CEP112: variants seen among roughly 807,000 people sequenced by gnomAD.
CEP112 encodes centrosomal protein 112.
CEP112 carries 127 observed loss-of-function variants against 153.0 expected under a neutral mutation model. The observed-to-expected ratio is 0.83, with a 90% confidence interval of 0.72 to 0.96. CEP112 has a LOEUF of 0.96. CEP112 is among the 40% of genes least tolerant of loss of function. CEP112 has a pLI of 0.00. For missense variants in CEP112, 1,089 were observed against 1,101.2 expected, an observed-to-expected ratio of 0.99 and a Z score of 0.16; for synonymous variants, 358 against 374.4, an observed-to-expected ratio of 0.96 and a Z score of 0.51.
At chr17:66,162,571 T>C (rs554248446) in intron 4 of CEP112, among the ~76,000 whole-genome samples, 1 of 152,226 alleles carries the variant, frequency 6.6e-6, no homozygotes, top group Admixed American at 6.5e-5. Flanking sequence ...AATTGTGATA[T>C]ATTCATACAA....
At chr17:65,927,317 T>G (rs527318055) in intron 19 of CEP112, among the ~76,000 whole-genome samples, 16 of 152,286 alleles carry the variant, frequency 1.1e-4, no homozygotes, top group Admixed American at 3.9e-4. Flanking sequence ...CAAATCTCTT[T>G]TCTTATAAAC....
At chr17:65,750,786 A>C in intron 21 of CEP112, 62 bp from the exon 22 acceptor site, 1 of 1,477,998 alleles carries the variant, frequency 6.8e-7, no homozygotes, top group Non-Finnish European at 9.5e-7. Flanking sequence ...TCTCTTCCAC[A>C]TGCCTATCAC....
At chr17:65,894,157 G>A (rs1216130247) in intron 20 of CEP112, among the ~76,000 whole-genome samples, 6 of 152,110 alleles carry the variant, frequency 3.9e-5, no homozygotes, top group African/African-American at 1.4e-4. Flanking sequence ...TAGGTGAAAA[G>A]GAGAAGGAAG....
intron 21 of CEP112, among the ~76,000 whole-genome samples, chr17:65,822,449 T>C (rs537722938): frequency 6.6e-6 from 1 of 152,342 alleles, no homozygotes; most frequent in Non-Finnish European, 1.5e-5. Flanking sequence ...GTATTTGAAA[T>C]ACCTAACACA....
intron 11 of CEP112, among the ~76,000 whole-genome samples, chr17:66,060,294 A>G (rs2066874170): frequency 6.6e-6 from 1 of 152,176 alleles, no homozygotes; most frequent in African/African-American, 2.4e-5. Flanking sequence ...AAATGCTGAA[A>G]TTATTTTAAA....
At chr17:66,145,471 T>C (rs1013179077) in intron 4 of CEP112, among the ~76,000 whole-genome samples, 1 of 152,180 alleles carries the variant, frequency 6.6e-6, no homozygotes, top group African/African-American at 2.4e-5. Context: ...TCACAGAGAT[T>C]TTCTGTTTTC....
intron 19 of CEP112, among the ~76,000 whole-genome samples, chr17:65,917,032 G>C (rs1599003674): frequency 6.6e-6 from 1 of 152,302 alleles, no homozygotes; most frequent in African/African-American, 2.4e-5. Flanking sequence ...AGGGGCCCAG[G>C]CTCTATAGCC....
At chr17:65,976,732 T>C (rs1307180888) in intron 17 of CEP112, among the ~76,000 whole-genome samples, 2 of 28,122 alleles carry the variant, frequency 7.1e-5, no homozygotes, top group Non-Finnish European at 1.4e-4. Flanking sequence ...CTTATAACTT[T>C]TTCTTTTTTT....
At chr17:65,968,323 G>A (rs1365769635) in intron 17 of CEP112, among the ~76,000 whole-genome samples, 1 of 152,022 alleles carries the variant, frequency 6.6e-6, no homozygotes, top group Non-Finnish European at 1.5e-5. Context: ...CCTTGTCCCA[G>A]GGCAGTTCAA....
chr17:65,704,811 C>G (rs1156353599), intron 23 of CEP112, among the ~76,000 whole-genome samples: 1 of 152,184 alleles, frequency 6.6e-6, no homozygotes, highest in Non-Finnish European at 1.5e-5. Flanking sequence ...TCTGTGATAT[C>G]TGGAGCCAAT....
intron 12 of CEP112, among the ~76,000 whole-genome samples, chr17:66,051,939 C>A (rs1271783065): frequency 2.0e-5 from 3 of 152,168 alleles, no homozygotes; most frequent in African/African-American, 7.2e-5. Flanking sequence ...CCTAACCTAC[C>A]AAACATCATA....
At chr17:66,040,098 G>A (rs1476412527) in intron 12 of CEP112, among the ~76,000 whole-genome samples, 2 of 152,154 alleles carry the variant, frequency 1.3e-5, no homozygotes, top group African/African-American at 2.4e-5. Context: ...CATAAGATGT[G>A]CCTATGTCAA....
intron 21 of CEP112, among the ~76,000 whole-genome samples, chr17:65,837,535 C>G (rs114298253): frequency 0.22 from 33,335 of 151,850 alleles, 3,756 homozygotes; most frequent in South Asian, 0.26. Flanking sequence ...ACCAGCCACC[C>G]TGTCCGAGAA....
chr17:66,086,154 T>G (rs1370273344), intron 8 of CEP112, among the ~76,000 whole-genome samples: 1 of 152,004 alleles, frequency 6.6e-6, no homozygotes, highest in African/African-American at 2.4e-5. Flanking sequence ...GAGCTAATAT[T>G]TAATTTTAAA....
chr17:65,889,797 C>T (rs1416217414), intron 20 of CEP112, among the ~76,000 whole-genome samples: 2 of 152,054 alleles, frequency 1.3e-5, no homozygotes, highest in African/African-American at 4.8e-5. Context: ...TGCTCTCTCT[C>T]CCTCACTGCC....
At chr17:65,953,252 T>C (rs187028481) in intron 18 of CEP112, among the ~76,000 whole-genome samples, 135 of 152,326 alleles carry the variant, frequency 8.9e-4, no homozygotes, top group South Asian at 4.8e-3. Flanking sequence ...CTAAGTCTTT[T>C]AACTGTTTTA....
chr17:66,137,802 A>G (rs983317864), intron 4 of CEP112, among the ~76,000 whole-genome samples: 1 of 152,190 alleles, frequency 6.6e-6, no homozygotes, highest in Non-Finnish European at 1.5e-5. Flanking sequence ...CACTTGACTT[A>G]AAAGAAATTC....
chr17:66,070,055 A>C (rs1598287249), intron 8 of CEP112, 54 bp from the exon 9 acceptor site: 1 of 976,610 alleles, frequency 1.0e-6, no homozygotes, highest in East Asian at 2.4e-5. Context: ...TTTGGCAAAA[A>C]ATACACAATT....
chr17:65,940,636 A>C (rs561438347), intron 18 of CEP112, among the ~76,000 whole-genome samples: 1 of 152,348 alleles, frequency 6.6e-6, no homozygotes, highest in Admixed American at 6.5e-5. Flanking sequence ...TAAGCCAAGC[A>C]CAGAAAGACA....
Sources: allele counts gnomAD v4.1 joint callset (sites outside exome capture counted in the v4.1 genomes callset), GRCh38; gene constraint gnomAD v4.1.1; transcripts MANE v1.5; gene names NCBI Gene and HGNC (gene_info 2026-07-23, HGNC 2026-07-21).